The following SH3BGRL2 variants were observed in gnomAD, a reference collection of about 807,000 sequenced individuals.
SH3BGRL2 encodes SH3 domain-binding glutamic acid-rich-like protein 2.
In SH3BGRL2, 21 loss-of-function variants were observed where a neutral mutation model predicts 14.8. The ratio of observed to expected loss-of-function variants is 1.42; its 90% CI spans 1.01 to 2.05. The LOEUF is 2.05. Among genes scored for constraint, SH3BGRL2 ranks in the 30% most tolerant of loss-of-function variants. SH3BGRL2 has a pLI of 0.00. For synonymous variants in SH3BGRL2, 50 were observed against 47.8 expected, an observed-to-expected ratio of 1.05 and a Z score of -0.19; for missense variants, 147 against 130.8, an observed-to-expected ratio of 1.12 and a Z score of -0.61.
chr6:79,639,433 A>G (rs760717282), intron 1 of SH3BGRL2, among the ~76,000 whole-genome samples: 2 of 152,112 alleles, frequency 1.3e-5, no homozygotes, highest in African/African-American at 4.8e-5. Context: ...TACAAAAAAT[A>G]TAAAAATTAG....
At chr6:79,565,744 A>T in the SH3BGRL2 span, among the ~76,000 whole-genome samples, 150,362 of 152,288 alleles carry the variant, frequency 0.99, 74,261 homozygotes, top group East Asian at 1. Context: ...GATATGGTAT[A>T]GTCACCAATT....
chr6:79,631,688 G>A (rs889100056), intron 1 of SH3BGRL2, among the ~76,000 whole-genome samples, 182 bp downstream of exon 1: 1 of 152,122 alleles, frequency 6.6e-6, no homozygotes, highest in African/African-American at 2.4e-5. Flanking sequence ...AGGTGGGTGG[G>A]GGACCCCGGC....
intron 2 of SH3BGRL2, among the ~76,000 whole-genome samples, chr6:79,688,272 A>G (rs1770141762): frequency 6.6e-6 from 1 of 152,038 alleles, no homozygotes; most frequent in African/African-American, 2.4e-5. Flanking sequence ...GCATTTAGAT[A>G]AATGTTCCCT....
At chr6:79,599,193 A>C in the SH3BGRL2 span, among the ~76,000 whole-genome samples, 12 of 152,176 alleles carry the variant, frequency 7.9e-5, no homozygotes, top group Non-Finnish European at 1.5e-5. Context: ...ATTTTGGAAA[A>C]TACTAAGTGT....
the SH3BGRL2 span, among the ~76,000 whole-genome samples, chr6:79,546,806 A>G: frequency 6.6e-6 from 1 of 151,734 alleles, no homozygotes; most frequent in Admixed American, 6.6e-5. Context: ...CAGCCTCCCA[A>G]GTAGCTGGGA....
At chr6:79,580,272 C>T in the SH3BGRL2 span, among the ~76,000 whole-genome samples, 1 of 152,210 alleles carries the variant, frequency 6.6e-6, no homozygotes, top group Non-Finnish European at 1.5e-5. Context: ...GACCTGAACT[C>T]AGCTCTGCAA....
the SH3BGRL2 span, among the ~76,000 whole-genome samples, chr6:79,618,228 G>C: frequency 6.6e-6 from 1 of 152,150 alleles, no homozygotes. Flanking sequence ...ACTTTCAAGG[G>C]TGGCAAATTA....
intron 2 of SH3BGRL2, among the ~76,000 whole-genome samples, chr6:79,684,676 GAAGCCAGATTGTTAA>G (rs1393804256): frequency 6.6e-6 from 1 of 152,090 alleles, no homozygotes; most frequent in Non-Finnish European, 1.5e-5. Context: ...AATAAAGTTC[GAAGCCAGATTGTTAA>G]AAGCAATCTT....
chr6:79,641,168 GT>G lies in SH3BGRL2; in HGVS notation c.45+9663del, dbSNP rs1562145072. Among the ~76,000 whole-genome samples, 499 of 151,344 alleles carry G rather than the reference GT, an allele frequency of 3.3e-3. 6 individuals are homozygous for G. Among genetic ancestry groups the G allele is most frequent in the African/African-American group, 0.011 (463 of 41,246 alleles). On this transcript the variant is annotated intron_variant, in intron 1 of 3. Transcript: ENST00000369838. ...CACCCTTTTGTGTGTGTGTGTGTGTGTGTGTGTGTGTGTGTGTGTGTGTGTG... is the reference window on the plus strand; with the variant it reads ...CACCCTTTTGTGTGTGTGTGTGTGTGGTGTGTGTGTGTGTGTGTGTGTGTG...
chr6:79,607,673 G>A, the SH3BGRL2 span, among the ~76,000 whole-genome samples: 2 of 152,160 alleles, frequency 1.3e-5, no homozygotes, highest in Non-Finnish European at 1.5e-5. Flanking sequence ...GGCCAGGCAC[G>A]GTGGCTCACG....
the SH3BGRL2 span, among the ~76,000 whole-genome samples, chr6:79,613,755 C>T: frequency 6.6e-6 from 1 of 151,930 alleles, no homozygotes; most frequent in East Asian, 1.9e-4. Context: ...TACAGGTGCC[C>T]GCCACCATGC....
the SH3BGRL2 span, among the ~76,000 whole-genome samples, chr6:79,544,014 A>G: frequency 6.6e-6 from 1 of 152,148 alleles, no homozygotes; most frequent in Admixed American, 6.5e-5. Context: ...CTCAAATACC[A>G]TCTTCCATAA....
chr6:79,644,814 G>A (rs1358557211), intron 1 of SH3BGRL2, among the ~76,000 whole-genome samples: 3 of 152,032 alleles, frequency 2.0e-5, no homozygotes, highest in South Asian at 2.1e-4. Flanking sequence ...AACTTTAAAT[G>A]AGCTATAAAG....
chr6:79,648,255 CAT>C (rs60702112), intron 1 of SH3BGRL2, among the ~76,000 whole-genome samples: 10,328 of 62,394 alleles, frequency 0.17, 776 homozygotes, highest in Non-Finnish European at 0.18. Flanking sequence ...ATTCTTTTGG[CAT>C]ATATATATAT....
chr6:79,663,250 T>C (rs527462780), intron 1 of SH3BGRL2, among the ~76,000 whole-genome samples: 4 of 152,330 alleles, frequency 2.6e-5, no homozygotes, highest in African/African-American at 9.6e-5. Flanking sequence ...ATTTTCAGCT[T>C]TTCTGCTCTG....
chr6:79,639,522 C>T (rs1357617745), intron 1 of SH3BGRL2, among the ~76,000 whole-genome samples: 1 of 151,990 alleles, frequency 6.6e-6, no homozygotes, highest in African/African-American at 2.4e-5. Context: ...CTTGGGAGGT[C>T]GAGCCTGCAG....
At chr6:79,691,973 C>G (rs1268105545) in intron 2 of SH3BGRL2, among the ~76,000 whole-genome samples, 1 of 152,036 alleles carries the variant, frequency 6.6e-6, no homozygotes, top group African/African-American at 2.4e-5. Flanking sequence ...GTCCCACCAA[C>G]AGTGTAAAAG....
chr6:79,618,914 C>A, the SH3BGRL2 span, among the ~76,000 whole-genome samples: 46 of 76,268 alleles, frequency 6.0e-4, no homozygotes, highest in East Asian at 1.3e-3. Context: ...GAGACTCTGT[C>A]AAAAAAAAAA....
the SH3BGRL2 span, among the ~76,000 whole-genome samples, chr6:79,605,714 G>A: frequency 6.6e-6 from 1 of 152,240 alleles, no homozygotes; most frequent in Non-Finnish European, 1.5e-5. Flanking sequence ...ACACATGAAA[G>A]TCAAAATGTG....
Sources: gnomAD v4.1 joint callset for allele counts (sites outside exome capture counted in the v4.1 genomes callset) on GRCh38, gnomAD v4.1.1 for gene constraint, MANE v1.5 for transcripts, NCBI Gene and HGNC (gene_info 2026-07-23, HGNC 2026-07-21) for gene names.